The following PIK3C3 variants were observed in gnomAD, a reference collection of about 807,000 sequenced individuals.
PIK3C3 encodes the protein phosphatidylinositol 3-kinase catalytic subunit type 3, also known as PI3-kinase type 3.
In PIK3C3, 95 loss-of-function variants were observed where a neutral mutation model predicts 126.1. The ratio of observed to expected loss-of-function variants is 0.75; its 90% CI spans 0.64 to 0.89. PIK3C3 has a LOEUF of 0.89. Ranked by LOEUF, PIK3C3 falls within the 40% of genes least tolerant of loss-of-function variation. PIK3C3 has a pLI of 0.00. For missense variants in PIK3C3, 829 were observed against 1,063.2 expected (o/e 0.78, Z 3.06); for synonymous variants, 374 against 360.0 (o/e 1.04, Z -0.44).
intron 3 of PIK3C3, among the ~76,000 whole-genome samples, chr18:41,969,526 G>A (rs1287903829): frequency 6.6e-6 from 1 of 152,140 alleles, no homozygotes; most frequent in East Asian, 1.9e-4. Context: ...TTTGAAGCAG[G>A]ATAACCAAAC....
At chr18:42,009,076 A>G (rs1982681382) in intron 10 of PIK3C3, among the ~76,000 whole-genome samples, 1 of 152,172 alleles carries the variant, frequency 6.6e-6, no homozygotes, top group Non-Finnish European at 1.5e-5. Context: ...GCCATTAAAC[A>G]TATTGTTTAA....
chr18:42,059,478 A>G (rs1985220818), intron 22 of PIK3C3, among the ~76,000 whole-genome samples: 1 of 152,230 alleles, frequency 6.6e-6, no homozygotes, highest in Non-Finnish European at 1.5e-5. Context: ...GGTGGCGGAC[A>G]AGATGGTAAG....
chr18:42,028,650 C>T (rs143201734), intron 14 of PIK3C3, among the ~76,000 whole-genome samples: 34 of 152,286 alleles, frequency 2.2e-4, no homozygotes, highest in Non-Finnish European at 3.8e-4. Flanking sequence ...CCTCTAATCT[C>T]GTTTCTGTTA....
At chr18:42,004,155 T>C (rs1012477312) in intron 9 of PIK3C3, among the ~76,000 whole-genome samples, 1 of 152,126 alleles carries the variant, frequency 6.6e-6, no homozygotes, top group African/African-American at 2.4e-5. Flanking sequence ...CTGGAAAATA[T>C]AAAGATACAG....
At position 42,082,557 on chromosome 18, in the gene PIK3C3, G is replaced by A. The variant is rs1268948094; in HGVS notation, c.*1420G>A. 2 of 152,106 alleles carry A rather than the reference G, an allele frequency of 1.3e-5. No homozygotes were observed. Among genetic ancestry groups the A allele is most frequent in the African/African-American group, 4.8e-5 (2 of 41,420 alleles). The allele number at this position is 152,106 out of a possible 1,614,324, so 9.4% of individuals were successfully genotyped here. ...ACCTTTCTTTTTCTTTTCTTCACAT[G>A]TTTATGTCTTTTTTGTTATTAGTCA... is the stretch of plus-strand genomic sequence containing the variant. On this transcript the variant is annotated 3_prime_UTR_variant, in exon 25 of 25. Coordinates refer to ENST00000262039, the MANE Select transcript of PIK3C3 (RefSeq NM_002647.4).
At chr18:42,074,975 T>C (rs1006043655) in intron 24 of PIK3C3, among the ~76,000 whole-genome samples, 2 of 152,160 alleles carry the variant, frequency 1.3e-5, no homozygotes, top group African/African-American at 4.8e-5. Flanking sequence ...CAAATAGCCA[T>C]GTACAAAGGT....
At chr18:42,069,653 G>A (rs1025684302) in intron 24 of PIK3C3, among the ~76,000 whole-genome samples, 7 of 152,262 alleles carry the variant, frequency 4.6e-5, no homozygotes, top group Non-Finnish European at 8.8e-5. Context: ...GGATTTACCC[G>A]TTGTAGTTGG....
rs372601661 is a variant in PIK3C3, at chr18:41,962,579, C to T, written c.348C>T (p.Pro116=). The change falls in exon 3 of 25, where the codon CCC becomes CCT. Residue 116 remains proline, a synonymous_variant. Coordinates refer to ENST00000262039, the MANE Select transcript of PIK3C3 (RefSeq NM_002647.4). ...TCACCATATGGGATGTGTATGGTCC[C>T]GGAAAAGCAGTGCCTGTAGGAGGAA... ...VALTIWDVYG[P]GKAVPVGGTT... is the part of the protein sequence containing the mutation. 5.6e-5 allele frequency: 91 copies of T among 1,613,302 alleles called. No homozygotes were observed. Among genetic ancestry groups the T allele is most frequent in the Admixed American group, 8.3e-5 (5 of 59,946 alleles).
chr18:42,062,719 T>C (rs977444362), intron 22 of PIK3C3, among the ~76,000 whole-genome samples: 1 of 152,042 alleles, frequency 6.6e-6, no homozygotes, highest in Non-Finnish European at 1.5e-5. Flanking sequence ...ATATCTCCTC[T>C]GAGATATATC....
chr18:42,002,715 G>A (rs1982347006), intron 9 of PIK3C3, among the ~76,000 whole-genome samples: 1 of 152,142 alleles, frequency 6.6e-6, no homozygotes, highest in South Asian at 2.1e-4. Flanking sequence ...GGAAATTTGT[G>A]CTAAGATCAC....
chr18:42,015,424 C>T, intron 11 of PIK3C3, 52 bp from the exon 12 acceptor site: 2 of 1,404,448 alleles, frequency 1.4e-6, no homozygotes, highest in African/African-American at 1.4e-5. Flanking sequence ...TGTGCGTTCT[C>T]TTATGGACAG....
chr18:41,967,805 G>A (rs1980447422), intron 3 of PIK3C3, among the ~76,000 whole-genome samples: 1 of 152,162 alleles, frequency 6.6e-6, no homozygotes, highest in African/African-American at 2.4e-5. Flanking sequence ...TTTTCTAAAT[G>A]TGAATCCTGG....
intron 12 of PIK3C3, among the ~76,000 whole-genome samples, chr18:42,018,171 G>A (rs771534785): frequency 4.0e-5 from 6 of 151,538 alleles, no homozygotes; most frequent in Non-Finnish European, 8.8e-5. Flanking sequence ...TTCTTCTTAT[G>A]TCTGTGACCT....
At chr18:41,982,353 A>G (rs1981248237) in intron 4 of PIK3C3, among the ~76,000 whole-genome samples, 1 of 152,184 alleles carries the variant, frequency 6.6e-6, no homozygotes, top group South Asian at 2.1e-4. Flanking sequence ...TCTAATTTAT[A>G]TGGTTTTGTA....
intron 2 of PIK3C3, among the ~76,000 whole-genome samples, chr18:41,958,981 C>A (rs1979938843): frequency 6.6e-6 from 1 of 152,078 alleles, no homozygotes; most frequent in South Asian, 2.1e-4. Context: ...ACTACAGTAT[C>A]ATCATCATCA....
intron 1 of PIK3C3, 171 bp downstream of exon 1, chr18:41,955,530 G>A (rs1368841590): frequency 1.6e-5 from 9 of 566,818 alleles, no homozygotes; most frequent in Non-Finnish European, 2.8e-5. Flanking sequence ...CGTGGAGAGG[G>A]GCTCTTTTGG....
At position 42,020,812 on chromosome 18, in the gene PIK3C3, A is replaced by T. The variant is rs1396572160; in HGVS notation, c.1484+107A>T. 1.7e-5 allele frequency: 11 copies of T among 664,926 alleles called. No individual in the cohort carries two copies. The East Asian group carries it at 1.7e-4, about 10-fold the overall frequency. The allele number at this position is 664,926 out of a possible 1,614,324, so 41.2% of individuals were successfully genotyped here. ...TAAAATAAGATATGAGCAATCATCA[A>T]AAGTCTAGATATAGTATTTATATCT... is the stretch of plus-strand genomic sequence containing the variant. On this transcript the variant is annotated intron_variant, in intron 13 of 24. Transcript: ENST00000262039.
At chr18:42,074,136 A>C (rs1985885859) in intron 24 of PIK3C3, among the ~76,000 whole-genome samples, 1 of 152,156 alleles carries the variant, frequency 6.6e-6, no homozygotes, top group African/African-American at 2.4e-5. Flanking sequence ...AAATGTAACA[A>C]TAGTAAATGT....
At chr18:42,031,233 T>C (rs1983809916) in intron 15 of PIK3C3, among the ~76,000 whole-genome samples, 1 of 152,184 alleles carries the variant, frequency 6.6e-6, no homozygotes, top group Non-Finnish European at 1.5e-5. Context: ...ATAATTTATT[T>C]GCGAGAGCTA....
Sources: gnomAD v4.1 joint callset for allele counts (sites outside exome capture counted in the v4.1 genomes callset) on GRCh38, gnomAD v4.1.1 for gene constraint, MANE v1.5 for transcripts, NCBI Gene and HGNC (gene_info 2026-07-23, HGNC 2026-07-21) for gene names.